The following CSDC2 variants were observed in gnomAD, a reference collection of about 807,000 sequenced individuals.
CSDC2 encodes cold shock domain containing C2.
Under a neutral mutation model 15.8 loss-of-function variants are expected in CSDC2, and 8 were observed. The ratio of observed to expected loss-of-function variants is 0.51; its 90% confidence interval spans 0.30 to 0.92. The LOEUF is 0.92. Ranked by LOEUF, CSDC2 falls within the 40% of genes least tolerant of loss-of-function variation. The probability of loss-of-function intolerance (pLI) is 0.07; values close to 1 mark genes in which losing one functional copy is unlikely to be tolerated. For missense variants in CSDC2, 195 were observed against 213.3 expected, an observed-to-expected ratio of 0.91 and a Z score of 0.53; for synonymous variants, 96 against 92.3, an observed-to-expected ratio of 1.04 and a Z score of -0.23.
At position 41,572,154 on chromosome 22, in the gene CSDC2, C is replaced by A; in HGVS notation, c.176+13C>A. The A allele has an allele frequency of 1.5e-6, 2 of 1,299,872 alleles. No homozygotes were observed. Among genetic ancestry groups the A allele is most frequent in the Non-Finnish European group, 2.0e-6 (2 of 1,016,976 alleles). The allele number at this position is 1,299,872 out of a possible 1,614,324, so 80.5% of individuals were successfully genotyped here. A position where few individuals can be genotyped will look rare whatever the true frequency, so the allele number is the denominator to read the frequency against. ...GGACCTATTCAGCGTGAGTACCTGC[C>A]CCTTGCCCAGGCCCCTGACCCTTGT... On this transcript the variant is annotated intron_variant, in intron 2 of 3. Transcript: ENST00000306149.
chr22:41,573,807 C>T (rs776471987), intron 3 of CSDC2, 30 bp downstream of exon 3: 1 of 1,599,602 alleles, frequency 6.3e-7, no homozygotes. Context: ...CTGTTCTTGG[C>T]CCCTGCCCTA....
intron 1 of CSDC2, among the ~76,000 whole-genome samples, chr22:41,569,786 T>TG (rs922653456): frequency 4.1e-5 from 6 of 147,530 alleles, no homozygotes; most frequent in African/African-American, 1.5e-4. Flanking sequence ...GCTTTTTTTT[T>TG]TTTTTTTTTT....
chr22:41,566,262 G>A (rs2067113521), intron 1 of CSDC2, among the ~76,000 whole-genome samples: 1 of 151,756 alleles, frequency 6.6e-6, no homozygotes, highest in Non-Finnish European at 1.5e-5. Context: ...TGGCCAACAT[G>A]GTGAAACCTT....
At chr22:41,565,466 A>AC (rs2067109400) in intron 1 of CSDC2, among the ~76,000 whole-genome samples, 1 of 151,536 alleles carries the variant, frequency 6.6e-6, no homozygotes, top group African/African-American at 2.4e-5. Flanking sequence ...AAAAAAAAAA[A>AC]AAAAGAGGAC....
intron 1 of CSDC2, among the ~76,000 whole-genome samples, chr22:41,569,393 C>T (rs1041270929): frequency 3.3e-5 from 5 of 152,186 alleles, no homozygotes; most frequent in Non-Finnish European, 5.9e-5. Flanking sequence ...CATTTCCATT[C>T]CCCAAAAAGA....
intron 1 of CSDC2, among the ~76,000 whole-genome samples, chr22:41,562,839 G>A (rs932381636): frequency 9.2e-5 from 14 of 152,180 alleles, no homozygotes; most frequent in African/African-American, 3.4e-4. Flanking sequence ...GGGCTGGCAT[G>A]GCACACCAGA....
rs1204134038 is a variant in CSDC2, at chr22:41,575,168, C to T, written c.*273C>T. The T allele has an allele frequency of 1.9e-6, 1 of 518,418 alleles. No homozygotes were observed. The highest frequency in any genetic ancestry group is 1.9e-5 in the African/African-American group (1 of 52,168). The allele number at this position is 518,418 out of a possible 1,614,324, so 32.1% of individuals were successfully genotyped here. On this transcript the variant is annotated 3_prime_UTR_variant, in exon 4 of 4. Transcript: ENST00000306149. Reference sequence around the variant, plus strand: ...GTCCACTGCCTCTCTCCTCCCCTCCCTGCCGCAGACACGCAGGACCCGCTC... The same window carrying T: ...GTCCACTGCCTCTCTCCTCCCCTCCTTGCCGCAGACACGCAGGACCCGCTC...
At chr22:41,573,116 AGGT>A (rs538632017) in intron 2 of CSDC2, among the ~76,000 whole-genome samples, 19 of 152,170 alleles carry the variant, frequency 1.2e-4, no homozygotes, top group Non-Finnish European at 2.5e-4. Context: ...AGGTCGAGAC[AGGT>A]GGATCAGTTA....
chr22:41,572,415 T>C (rs1359814899), intron 2 of CSDC2, among the ~76,000 whole-genome samples: 2 of 94,580 alleles, frequency 2.1e-5, no homozygotes, highest in African/African-American at 3.8e-5. Flanking sequence ...CATCCATCCA[T>C]CCATCCATCC....
intron 3 of CSDC2, 109 bp from the exon 4 acceptor site, chr22:41,574,624 C>G (rs2067165687): frequency 1.5e-6 from 2 of 1,343,772 alleles, no homozygotes; most frequent in Non-Finnish European, 2.0e-6. Flanking sequence ...CTGGCCAGGC[C>G]TCCTGGCCTA....
chr22:41,561,730 C>G (rs2067086433), intron 1 of CSDC2, among the ~76,000 whole-genome samples: 1 of 152,164 alleles, frequency 6.6e-6, no homozygotes, highest in South Asian at 2.1e-4. Context: ...AGAGGTGGCT[C>G]CGTGTGGTTA....
chr22:41,564,740 C>T (rs1434441524), intron 1 of CSDC2, among the ~76,000 whole-genome samples: 3 of 152,096 alleles, frequency 2.0e-5, no homozygotes, highest in Non-Finnish European at 4.4e-5. Context: ...TCTGGACCAA[C>T]GATGATTCAC....
At chr22:41,564,939 G>C (rs1029949189) in intron 1 of CSDC2, among the ~76,000 whole-genome samples, 1 of 151,692 alleles carries the variant, frequency 6.6e-6, no homozygotes, top group African/African-American at 2.4e-5. Flanking sequence ...AGGCCAAGGG[G>C]GTTGATCACC....
intron 2 of CSDC2, among the ~76,000 whole-genome samples, chr22:41,573,137 G>A (rs1332733158): frequency 6.6e-6 from 1 of 152,178 alleles, no homozygotes; most frequent in Non-Finnish European, 1.5e-5. Flanking sequence ...TTAAGGACAG[G>A]AGATCAAGCC....
Position 41,565,173 on chromosome 22 carries a change from T to C in CSDC2, c.-124+3990T>C, listed in dbSNP as rs1156698386. Among the ~76,000 whole-genome samples the C allele has an allele frequency of 2.3e-5, 3 of 132,714 alleles. No homozygotes were observed. The Admixed American group carries it at 2.3e-4, about 10-fold the overall frequency. The allele number at this position is 132,714 out of a possible 152,430, so 87.1% of individuals were successfully genotyped here. ...AGAGTGAGACTCAAAAAAAAAAGGA[T>C]GGGTGCGGTGGTTTACGCCTTTAAT... On this transcript the variant is annotated intron_variant, in intron 1 of 3. Transcript: ENST00000306149.
At chr22:41,565,121 G>C (rs1031007305) in intron 1 of CSDC2, among the ~76,000 whole-genome samples, 22 of 138,530 alleles carry the variant, frequency 1.6e-4, no homozygotes, top group Admixed American at 1.6e-3. Context: ...AGCCGAGATC[G>C]CGCCACTGGA....
At position 41,573,691 on chromosome 22, in the gene CSDC2, C is replaced by T. The variant is rs200666329; in HGVS notation, c.213C>T (p.Gly71=). 3.5e-5 allele frequency: 56 copies of T among 1,613,616 alleles called. No homozygotes were observed. The highest frequency in any genetic ancestry group is 4.6e-5 in the Non-Finnish European group (54 of 1,179,878). Reference sequence around the variant, plus strand: ...CCTCAGCTGGCCCCGTGTTCAAGGGCGTCTGTAAGCAGTTCTCACGCTCAC... The same window carrying T: ...CCTCAGCTGGCCCCGTGTTCAAGGGTGTCTGTAAGCAGTTCTCACGCTCAC... The part of the protein sequence containing the change: ...ARASAGPVFK[G]VCKQFSRSQG... The change falls in exon 3 of 4, where the codon GGC becomes GGT. Residue 71 remains glycine (G), a synonymous_variant. Coordinates refer to ENST00000306149, the MANE Select transcript of CSDC2 (RefSeq NM_014460.4).
At position 41,564,463 on chromosome 22, in the gene CSDC2, T is replaced by C. The variant is rs902726361; in HGVS notation, c.-124+3280T>C. On this transcript the variant is annotated intron_variant, in intron 1 of 3. Transcript: ENST00000306149. ...TTTTAGCAGAGACGGGGTTTCACCG[T>C]GTTAGCCAGGATGGTCTCAATCTCC... Among the ~76,000 whole-genome samples the C allele has an allele frequency of 3.3e-5, 5 of 152,026 alleles. No individual in the cohort carries two copies. The East Asian group carries it at 9.8e-4, about 30-fold the overall frequency.
At chr22:41,574,380 C>T (rs1260611547) in intron 3 of CSDC2, among the ~76,000 whole-genome samples, 1 of 152,262 alleles carries the variant, frequency 6.6e-6, no homozygotes, top group Non-Finnish European at 1.5e-5. Context: ...ATTCTCCCAC[C>T]TCAGCCTCCC....
Sources: gnomAD v4.1 joint callset for allele counts (sites outside exome capture counted in the v4.1 genomes callset) on GRCh38, gnomAD v4.1.1 for gene constraint, MANE v1.5 for transcripts, NCBI Gene and HGNC (gene_info 2026-07-23, HGNC 2026-07-21) for gene names.